The following SASH1 variants were observed in gnomAD, a reference collection of about 807,000 sequenced individuals.
The protein encoded by SASH1 is SAM and SH3 domain-containing protein 1.
SASH1 carries 44 observed loss-of-function variants against 125.2 expected under a neutral mutation model. That is an observed-to-expected ratio of 0.35 (90% CI 0.28 to 0.45). The LOEUF (loss-of-function observed/expected upper bound fraction) is 0.45. Among genes scored for constraint, SASH1 ranks in the 20% least tolerant of loss-of-function variants. The pLI is 1.00. For synonymous variants in SASH1, 639 were observed against 649.1 expected (o/e 0.98, Z 0.24); for missense variants, 1,426 against 1,614.5 (o/e 0.88, Z 2.00).
the SASH1 span, among the ~76,000 whole-genome samples, chr6:148,232,719 A>T: frequency 1.3e-5 from 2 of 152,174 alleles, no homozygotes; most frequent in African/African-American, 4.8e-5. Context: ...AGGACTTGGC[A>T]CTTAGCTTTT....
At chr6:148,484,066 T>C (rs1778737616) in intron 7 of SASH1, among the ~76,000 whole-genome samples, 1 of 152,170 alleles carries the variant, frequency 6.6e-6, no homozygotes, top group Admixed American at 6.5e-5. Flanking sequence ...GTTTGTTTTT[T>C]AAAATCTCTA....
chr6:148,430,262 G>T (rs1378941321), intron 2 of SASH1, among the ~76,000 whole-genome samples: 3 of 152,214 alleles, frequency 2.0e-5, no homozygotes, highest in Non-Finnish European at 4.4e-5. Flanking sequence ...CAGGCTATTT[G>T]GTGAAGGGGG....
At chr6:148,281,618 C>T (rs982544976) in intron 1 of SASH1, among the ~76,000 whole-genome samples, 6 of 151,894 alleles carry the variant, frequency 4.0e-5, no homozygotes, top group African/African-American at 1.5e-4. Context: ...GAGAAGTGAC[C>T]GAATTTTAAA....
intron 8 of SASH1, among the ~76,000 whole-genome samples, chr6:148,496,325 C>T (rs1023013537): frequency 6.6e-6 from 1 of 152,136 alleles, no homozygotes; most frequent in African/African-American, 2.4e-5. Flanking sequence ...TTTTGGTTTA[C>T]AGCTAGAAAA....
chr6:148,254,885 C>A, the SASH1 span, among the ~76,000 whole-genome samples: 1 of 152,010 alleles, frequency 6.6e-6, no homozygotes, highest in African/African-American at 2.4e-5. Flanking sequence ...AAACATATGT[C>A]CGTACAAAAA....
intron 1 of SASH1, among the ~76,000 whole-genome samples, chr6:148,357,367 C>G (rs1781985512): frequency 1.3e-5 from 2 of 152,146 alleles, no homozygotes; most frequent in Admixed American, 6.5e-5. Context: ...TCTGTTTTAC[C>G]TGTAAAACAG....
In SASH1 at chr6:148,311,094, C is replaced by CT. The variant is rs1012867315; in HGVS notation, n.74+38728dup. On this transcript the variant is annotated intron_variant and non_coding_transcript_variant, in intron 1 of 3. Transcript: ENST00000367469. ...ACACCTAAGCTTCTTTTTTTCTTTTCTTTTTTTTTTTCTTTCTTTTTTTTC... is the reference window on the plus strand; with the variant it reads ...ACACCTAAGCTTCTTTTTTTCTTTTCTTTTTTTTTTTTCTTTCTTTTTTTTC... Among the ~76,000 whole-genome samples, 120 of 143,542 alleles carry CT rather than the reference C, an allele frequency of 8.4e-4. 1 individual carries two copies. In the East Asian group the frequency reaches 8.4e-3, roughly 10 times the overall value. The allele number at this position is 143,542 out of a possible 152,430, so 94.2% of individuals were successfully genotyped here. A position where few individuals can be genotyped will look rare whatever the true frequency, so the allele number is the denominator to read the frequency against.
the SASH1 span, among the ~76,000 whole-genome samples, chr6:148,198,407 C>T: frequency 6.6e-6 from 1 of 152,220 alleles, no homozygotes; most frequent in Non-Finnish European, 1.5e-5. Context: ...TCCCATCTCT[C>T]CCTTCTGTCT....
chr6:148,235,266 C>T, the SASH1 span, among the ~76,000 whole-genome samples: 1 of 152,100 alleles, frequency 6.6e-6, no homozygotes, highest in Admixed American at 6.5e-5. Context: ...TGATTGCTGA[C>T]CTTATCTTAT....
At chr6:148,541,840 G>A (rs1300888191) in intron 17 of SASH1, among the ~76,000 whole-genome samples, 7 of 151,998 alleles carry the variant, frequency 4.6e-5, no homozygotes, top group Non-Finnish European at 2.9e-5. Context: ...TGCTATTCAA[G>A]GTTTTCTATC....
At chr6:148,230,706 G>C in the SASH1 span, among the ~76,000 whole-genome samples, 2 of 152,074 alleles carry the variant, frequency 1.3e-5, no homozygotes, top group African/African-American at 4.8e-5. Context: ...AGCCACTCTA[G>C]TGGGTGTCAA....
At chr6:148,387,628 C>CCTTCCT (rs1783489470) in intron 1 of SASH1, among the ~76,000 whole-genome samples, 6 of 33,854 alleles carry the variant, frequency 1.8e-4, no homozygotes, top group Admixed American at 4.0e-4. Context: ...TTCTTTCTTT[C>CCTTCCT]TTTCTTTCTT....
chr6:148,340,275 G>T (rs1363045648), upstream of SASH1, among the ~76,000 whole-genome samples: 2 of 151,970 alleles, frequency 1.3e-5, no homozygotes, highest in Admixed American at 1.3e-4. Context: ...ATGAGGTCAG[G>T]AGTTCGAGAC....
At position 148,533,682 on chromosome 6, in the gene SASH1, T is replaced by G; in HGVS notation, c.1735-89T>G. 7.9e-7 allele frequency: 1 copy of G among 1,272,902 alleles called. No homozygotes were observed. The highest frequency in any genetic ancestry group is 2.3e-5 in the East Asian group (1 of 42,956). The allele number at this position is 1,272,902 out of a possible 1,614,324, so 78.9% of individuals were successfully genotyped here. A position where few individuals can be genotyped will look rare whatever the true frequency, so the allele number is the denominator to read the frequency against. Reference sequence around the variant, plus strand: ...ATTCTGGCCTTTGTGGCATCTTCACTTCTGCATGACCTGTGTATCTGACAG... The same window carrying G: ...ATTCTGGCCTTTGTGGCATCTTCACGTCTGCATGACCTGTGTATCTGACAG... On this transcript the variant is annotated intron_variant, in intron 14 of 19. Coordinates refer to ENST00000367467, the MANE Select transcript of SASH1 (RefSeq NM_015278.5). The surrounding 1 kb of genome is among the most constrained non-coding windows in gnomAD (Gnocchi z 6.2).
Position 148,364,859 on chromosome 6 carries a change from A to C in SASH1, c.156+21636A>C, listed in dbSNP as rs116414752. Among the ~76,000 whole-genome samples the C allele has an allele frequency of 3.0e-3, 459 of 152,334 alleles. 3 individuals carry two copies. The highest frequency in any genetic ancestry group is 0.01 in the African/African-American group (436 of 41,576). On this transcript the variant is annotated intron_variant, in intron 1 of 19. Transcript: ENST00000367467. ...TCCCTCCGGCCGGGCACAGTGCTTC[A>C]TGCCTGTAATCTCAGCACTTTGGGA...
At chr6:148,466,062 C>G (rs963922861) in intron 4 of SASH1, among the ~76,000 whole-genome samples, 1 of 152,136 alleles carries the variant, frequency 6.6e-6, no homozygotes, top group Non-Finnish European at 1.5e-5. Flanking sequence ...CTCCTAAAAG[C>G]CTTGCAGGTA....
chr6:148,407,113 T>G (rs1167108613), intron 2 of SASH1, among the ~76,000 whole-genome samples: 1 of 152,106 alleles, frequency 6.6e-6, no homozygotes, highest in East Asian at 1.9e-4. Flanking sequence ...CCATCCTAAC[T>G]GATTTTGAGT....
At chr6:148,358,289 C>G (rs1782035620) in intron 1 of SASH1, among the ~76,000 whole-genome samples, 1 of 152,100 alleles carries the variant, frequency 6.6e-6, no homozygotes, top group African/African-American at 2.4e-5. Context: ...CGATGGCTCC[C>G]AAGGATCAGC....
intron 1 of SASH1, among the ~76,000 whole-genome samples, chr6:148,363,967 T>A (rs1007185013): frequency 1.4e-4 from 21 of 152,292 alleles, no homozygotes; most frequent in African/African-American, 4.6e-4. Flanking sequence ...AAAGTTCTGA[T>A]CCCTGAATAA....
Sources: gnomAD v4.1 joint callset for allele counts (sites outside exome capture counted in the v4.1 genomes callset) on GRCh38, gnomAD v4.1.1 for gene constraint, Gnocchi (gnomAD v3.1) non-coding constraint, MANE v1.5 for transcripts, NCBI Gene and HGNC (gene_info 2026-07-23, HGNC 2026-07-21) for gene names.